Variants in ZNF493 observed in about 807,000 individuals in gnomAD.
The protein encoded by ZNF493 is zinc finger protein 493.
ZNF493 carries 11 observed loss-of-function variants against 12.2 expected under a neutral mutation model. The ratio of observed to expected loss-of-function variants is 0.90; its 90% CI spans 0.57 to 1.50. The LOEUF (loss-of-function observed/expected upper bound fraction) is 1.50. Ranked by LOEUF, ZNF493 falls within the 40% of genes most tolerant of loss-of-function variation. ZNF493 has a pLI of 0.00. For missense variants in ZNF493, 950 were observed against 906.6 expected (o/e 1.05, Z -0.61); for synonymous variants, 286 against 302.6 (o/e 0.95, Z 0.57).
At chr19:21,398,935 G>C (rs2145258353) in intron 1 of ZNF493, 1 of 157,350 alleles carries the variant, frequency 6.4e-6, no homozygotes, top group African/African-American at 2.4e-5. Flanking sequence ...TATCCCAAAA[G>C]ACAAACAACA....
Position 21,398,603 on chromosome 19 carries a change from TC to T in ZNF493, c.30+1339del, listed in dbSNP as rs147979538. On this transcript the variant is annotated intron_variant, in intron 1 of 3. Transcript: ENST00000392288. Reference sequence around the variant, plus strand: ...GGATCTCAGCTTCTGGTTTATTTTCTCCCATAAGATGACCTGAGGTATGGAG... The same window carrying T: ...GGATCTCAGCTTCTGGTTTATTTTCTCCATAAGATGACCTGAGGTATGGAG... 692 of 446,988 alleles carry T rather than the reference TC, an allele frequency of 1.5e-3. 14 individuals carry two copies. In the East Asian group the frequency reaches 0.044, roughly 28 times the overall value. 27.7% of individuals were successfully genotyped at this position (446,988 alleles called of 1,614,324 possible).
intron 3 of ZNF493, among the ~76,000 whole-genome samples, chr19:21,415,212 G>A (rs994034438): frequency 6.6e-6 from 1 of 152,054 alleles, no homozygotes; most frequent in South Asian, 2.1e-4. Flanking sequence ...TCTTCTCTGG[G>A]TCTATTCTAT....
chr19:21,397,658 T>C (rs1974194924), intron 1 of ZNF493: 1 of 450,714 alleles, frequency 2.2e-6, no homozygotes, highest in African/African-American at 2.0e-5. Context: ...TTTTCTCCTA[T>C]TAAAAATTTA....
chr19:21,424,582 C>A lies in ZNF493; in HGVS notation c.1923C>A (p.Ser641=). 1.2e-6 allele frequency: 2 copies of A among 1,611,604 alleles called. No individual in the cohort carries two copies. The highest frequency in any genetic ancestry group is 1.7e-6 in the Non-Finnish European group (2 of 1,179,262). ...AATGTGGCAAAGCTTTTAAGCGGTC[C>A]TCACACCTCGCTGGGCACAAGCAAA... ...CEECGKAFKR[S]SHLAGHKQIH... The change falls in exon 4 of 4, where the codon TCC becomes TCA. Residue 641 remains serine (S), a synonymous_variant. Transcript: ENST00000392288.
At chr19:21,403,195 C>A (rs770402884) in intron 1 of ZNF493, among the ~76,000 whole-genome samples, 3 of 152,174 alleles carry the variant, frequency 2.0e-5, no homozygotes, top group Non-Finnish European at 4.4e-5. Context: ...TGAAAGTATT[C>A]ATGTTTTAAT....
At chr19:21,405,907 TAAAAAA>T (rs386388731) in intron 3 of ZNF493, 51 bp downstream of exon 3, 9 of 180,432 alleles carry the variant, frequency 5.0e-5, no homozygotes, top group East Asian at 1.9e-4. Context: ...TTGAAAGATT[TAAAAAA>T]AAAAAAAAAA....
intron 2 of ZNF493, chr19:21,405,476 C>A (rs2030091785): frequency 7.3e-7 from 1 of 1,366,032 alleles, no homozygotes; most frequent in Admixed American, 3.3e-5. Flanking sequence ...ATCCTTCACT[C>A]TACAGTAGTG....
chr19:21,408,712 A>G (rs1345947267), intron 3 of ZNF493: 10 of 985,026 alleles, frequency 1.0e-5, no homozygotes, highest in Non-Finnish European at 1.2e-5. Flanking sequence ...TTGGTTATGT[A>G]TTATAATTTT....
intron 1 of ZNF493, chr19:21,397,612 G>C (rs1015374437): frequency 6.8e-5 from 36 of 528,404 alleles, no homozygotes; most frequent in Non-Finnish European, 1.1e-4. Context: ...GTTCATGAAT[G>C]GGAAGAGCTT....
At chr19:21,416,142 A>G (rs2030483409) in intron 3 of ZNF493, among the ~76,000 whole-genome samples, 1 of 152,244 alleles carries the variant, frequency 6.6e-6, no homozygotes, top group African/African-American at 2.4e-5. Flanking sequence ...TTTTAAAGGT[A>G]TAGGTTCTGG....
intron 3 of ZNF493, among the ~76,000 whole-genome samples, chr19:21,409,702 G>A (rs1052019141): frequency 6.6e-6 from 1 of 152,222 alleles, no homozygotes; most frequent in African/African-American, 2.4e-5. Context: ...CCTTAATTGT[G>A]CCACTTCATG....
At chr19:21,408,395 C>T in intron 3 of ZNF493, 1 of 976,846 alleles carries the variant, frequency 1.0e-6, no homozygotes, top group Non-Finnish European at 1.2e-6. Context: ...CTCCTGGGTG[C>T]TGGGATTACA....
chr19:21,420,250 A>G (rs2030615223), intron 3 of ZNF493, among the ~76,000 whole-genome samples: 1 of 152,064 alleles, frequency 6.6e-6, no homozygotes, highest in South Asian at 2.1e-4. Context: ...TGATTCTTGT[A>G]TCTTTGTCCC....
At chr19:21,421,759 TGA>T (rs2030685222) in intron 3 of ZNF493, among the ~76,000 whole-genome samples, 1 of 152,252 alleles carries the variant, frequency 6.6e-6, no homozygotes, top group Non-Finnish European at 1.5e-5. Context: ...AACAATTGTC[TGA>T]GTTAGAGATT....
intron 3 of ZNF493, chr19:21,413,600 G>A (rs2145289553): frequency 7.4e-6 from 3 of 407,204 alleles, no homozygotes; most frequent in East Asian, 7.1e-5. Context: ...GGGTCCTCGG[G>A]ATCCTCCCAG....
intron 2 of ZNF493, 48 bp downstream of exon 2, chr19:21,405,303 A>G: frequency 6.4e-7 from 1 of 1,569,270 alleles, no homozygotes; most frequent in Non-Finnish European, 8.6e-7. Context: ...TAAAGTTTTC[A>G]TTTCTCTGTT....
At chr19:21,419,438 G>A (rs542538400) in intron 3 of ZNF493, among the ~76,000 whole-genome samples, 8 of 152,276 alleles carry the variant, frequency 5.3e-5, no homozygotes, top group East Asian at 1.9e-4. Context: ...ACAACAGGCC[G>A]TCTGCAAGCT....
chr19:21,420,581 A>G (rs2030626548), intron 3 of ZNF493, among the ~76,000 whole-genome samples: 1 of 86,536 alleles, frequency 1.2e-5, no homozygotes, highest in African/African-American at 4.7e-5. Flanking sequence ...ATGGTATTAT[A>G]CTCACTTGAT....
At position 21,423,139 on chromosome 19, in the gene ZNF493, G is replaced by A. The variant is rs1001813201; in HGVS notation, c.480G>A (p.Val160=). 22 of 1,613,386 alleles carry A rather than the reference G, an allele frequency of 1.4e-5. No individual in the cohort carries two copies. Among genetic ancestry groups the A allele is most frequent in the Non-Finnish European group, 1.9e-5 (22 of 1,179,724 alleles). The change falls in exon 4 of 4, where the codon GTG becomes GTA. Residue 160 remains valine (V), a synonymous_variant. Coordinates refer to ENST00000392288, the MANE Select transcript of ZNF493 (RefSeq NM_001076678.3). ...QSKIFQCDKY[V]KVFHKLLNSN... ...AAATATTTCAATGTGATAAATATGT[G>A]AAAGTCTTTCATAAACTTTTAAATT...
Sources: gnomAD v4.1 joint callset for allele counts (sites outside exome capture counted in the v4.1 genomes callset) on GRCh38, gnomAD v4.1.1 for gene constraint, MANE v1.5 for transcripts, NCBI Gene and HGNC (gene_info 2026-07-23, HGNC 2026-07-21) for gene names.